ZNF827: variants seen among roughly 807,000 people sequenced by gnomAD.
ZNF827 encodes the protein zinc finger protein 827.
A neutral mutation model predicts 102.4 loss-of-function variants in ZNF827; 13 were observed. That is an observed-to-expected ratio of 0.13 (90% CI 0.08 to 0.20). The LOEUF (loss-of-function observed/expected upper bound fraction) is 0.20. ZNF827 is among the 10% of genes least tolerant of loss of function. The pLI, the probability that ZNF827 is intolerant of heterozygous loss-of-function variation, is 1.00. For synonymous variants in ZNF827, 523 were observed against 536.2 expected (o/e 0.98, Z 0.34); for missense variants, 1,103 against 1,344.4 (o/e 0.82, Z 2.81).
intron 7 of ZNF827, among the ~76,000 whole-genome samples, chr4:145,838,235 A>T (rs1413498051): frequency 1.3e-5 from 2 of 152,106 alleles, no homozygotes; most frequent in Admixed American, 1.3e-4. Context: ...AACTGATGAC[A>T]TTACCTTGTG....
intron 5 of ZNF827, among the ~76,000 whole-genome samples, chr4:145,855,271 C>G (rs181560062): frequency 2.6e-5 from 4 of 152,186 alleles, no homozygotes; most frequent in Non-Finnish European, 4.4e-5. Context: ...GCCAACTATG[C>G]CATGCTGACA....
At chr4:145,808,626 A>C (rs2126368293) in intron 8 of ZNF827, among the ~76,000 whole-genome samples, 1 of 152,336 alleles carries the variant, frequency 6.6e-6, no homozygotes, top group East Asian at 1.9e-4. Flanking sequence ...CAGAACATTC[A>C]AATAGTGTTC....
chr4:145,775,703 T>A, intron 10 of ZNF827, 86 bp downstream of exon 10: 2 of 1,506,838 alleles, frequency 1.3e-6, no homozygotes, highest in South Asian at 1.2e-5. Flanking sequence ...AGGGGCCTCG[T>A]GATGTATGCC....
chr4:145,900,787 A>AT (rs985225204), intron 2 of ZNF827, among the ~76,000 whole-genome samples: 4 of 151,894 alleles, frequency 2.6e-5, no homozygotes, highest in African/African-American at 9.7e-5. Flanking sequence ...GTCAGGAGTG[A>AT]TTTTTTCCAT....
chr4:145,774,614 G>C lies in ZNF827; in HGVS notation c.2752C>G (p.Leu918Val). 2.5e-6 allele frequency: 4 copies of C among 1,613,904 alleles called. No individual in the cohort carries two copies. Among genetic ancestry groups the C allele is most frequent in the Non-Finnish European group, 3.4e-6 (4 of 1,179,966 alleles). The change falls in exon 11 of 15, where the codon CTC (leucine) becomes GTC (valine). Residue 918 changes from leucine (L) to valine (V), a missense_variant. Leu to Val is a conservative substitution (Grantham distance 32, BLOSUM62 1). Coordinates refer to ENST00000508784, the MANE Select transcript of ZNF827 (RefSeq NM_001306215.2). The part of the protein sequence containing the change: ...LNVQFVSHMS[L>V]HVDKEQWMFS... ...ATCCACTGCTCCTTGTCCACGTGGA[G>C]TGACATGTGGCTGACAAACTGGACA...
At chr4:145,913,376 C>T (rs567245074) in intron 1 of ZNF827, among the ~76,000 whole-genome samples, 16 of 137,538 alleles carry the variant, frequency 1.2e-4, no homozygotes, top group African/African-American at 4.3e-4. Flanking sequence ...CAGTGAGTCA[C>T]GACTGCACCA....
chr4:145,906,690 T>TAC (rs1296198135), intron 1 of ZNF827, among the ~76,000 whole-genome samples: 2 of 152,248 alleles, frequency 1.3e-5, no homozygotes, highest in African/African-American at 4.8e-5. Flanking sequence ...AGCTAATGTC[T>TAC]ACATTTAAAG....
At chr4:145,827,587 C>T (rs1023026594) in intron 7 of ZNF827, among the ~76,000 whole-genome samples, 6 of 152,164 alleles carry the variant, frequency 3.9e-5, no homozygotes, top group Admixed American at 3.9e-4. Context: ...GTAAAGAGGT[C>T]GTTAGCTGTT....
intron 8 of ZNF827, among the ~76,000 whole-genome samples, chr4:145,806,353 G>A (rs1460822540): frequency 6.6e-6 from 1 of 151,356 alleles, no homozygotes; most frequent in Admixed American, 6.6e-5. Context: ...ATGGGGTTTC[G>A]CCATGTTGCC....
chr4:145,840,533 A>C (rs1395101429), intron 7 of ZNF827, among the ~76,000 whole-genome samples: 1 of 152,258 alleles, frequency 6.6e-6, no homozygotes, highest in Admixed American at 6.5e-5. Flanking sequence ...CATTGCATTT[A>C]ATTTTAAAGT....
intron 8 of ZNF827, among the ~76,000 whole-genome samples, chr4:145,794,492 G>T (rs1740167219): frequency 6.6e-6 from 1 of 152,092 alleles, no homozygotes; most frequent in Non-Finnish European, 1.5e-5. Flanking sequence ...TTGGATACCA[G>T]CCTGGGCAAC....
rs894492337 is a variant in ZNF827, at chr4:145,759,858, T to G, written c.*1758A>C. ...AATTTTTTCACCCATACATTTCTTTTTCCTGCAAACAAATGGTAACCACTG... is the reference window on the plus strand; with the variant it reads ...AATTTTTTCACCCATACATTTCTTTGTCCTGCAAACAAATGGTAACCACTG... On this transcript the variant is annotated 3_prime_UTR_variant, in exon 15 of 15. Transcript: ENST00000508784. 6 of 152,194 alleles carry G rather than the reference T, an allele frequency of 3.9e-5. No individual in the cohort carries two copies. The highest frequency in any genetic ancestry group is 8.8e-5 in the Non-Finnish European group (6 of 68,028). The allele number at this position is 152,194 out of a possible 1,614,324, so 9.4% of individuals were successfully genotyped here. A position where few individuals can be genotyped will look rare whatever the true frequency, so the allele number is the denominator to read the frequency against.
intron 8 of ZNF827, among the ~76,000 whole-genome samples, chr4:145,815,249 G>C (rs1742477316): frequency 6.6e-6 from 1 of 152,232 alleles, no homozygotes; most frequent in African/African-American, 2.4e-5. Flanking sequence ...TCTGGGGATG[G>C]TGTGGTGAAC....
chr4:145,897,897 G>A (rs921682465), intron 2 of ZNF827, among the ~76,000 whole-genome samples: 20 of 152,298 alleles, frequency 1.3e-4, no homozygotes, highest in Admixed American at 1.1e-3. Context: ...CTTCATGCCT[G>A]TAATCCCAGC....
chr4:145,903,081 T>A lies in ZNF827; in HGVS notation c.178A>T (p.Ile60Phe). The A allele has an allele frequency of 1.2e-6, 2 of 1,614,188 alleles. No homozygotes were observed. The highest frequency in any genetic ancestry group is 1.7e-6 in the Non-Finnish European group (2 of 1,180,032). ...ENYKLSLEDR[I>F]QEQSTSPDTS... ...TCCGGGGACGTGGACTGCTCCTGGA[T>A]CCGGTCCTCCAGAGACAACTTATAG... Residue 60 changes from isoleucine to phenylalanine, a missense_variant, in exon 2 of 15, where the codon ATC becomes TTC. Transcript: ENST00000508784.
rs990426443 is a variant in ZNF827, at chr4:145,765,416, G to T, written c.3052+131C>A. On this transcript the variant is annotated intron_variant, in intron 12 of 14. Coordinates refer to ENST00000508784, the MANE Select transcript of ZNF827 (RefSeq NM_001306215.2). This position sits in a 1 kb window ranked among gnomAD's most constrained non-coding sequence, Gnocchi z 4.7. ...AAGCCAAAAGAAATACAACCTTTAG[G>T]TGAGGCCCAGCATACTGCATCCTGG... The T allele has an allele frequency of 8.6e-7, 1 of 1,161,946 alleles. No homozygotes were observed. The highest frequency in any genetic ancestry group is 1.2e-6 in the Non-Finnish European group (1 of 839,016). 72.0% of individuals were successfully genotyped at this position (1,161,946 alleles called of 1,614,324 possible). A position where few individuals can be genotyped will look rare whatever the true frequency, so the allele number is the denominator to read the frequency against.
chr4:145,763,761 C>G lies in ZNF827; in HGVS notation c.3231-639G>C, dbSNP rs1367464115. ...TTATAAAGGGACAGTGGGAACAAACCAAATCAAATCCCCAAATAAGCTCTT... is the reference window on the plus strand; with the variant it reads ...TTATAAAGGGACAGTGGGAACAAACGAAATCAAATCCCCAAATAAGCTCTT... On this transcript the variant is annotated intron_variant, in intron 13 of 14. Transcript: ENST00000508784. The surrounding 1 kb of genome is among the most constrained non-coding windows in gnomAD (Gnocchi z 4.6). 6.6e-6 allele frequency among the ~76,000 whole-genome samples: 1 copy of G among 152,156 alleles called. No individual in the cohort carries two copies. The highest frequency in any genetic ancestry group is 1.5e-5 in the Non-Finnish European group (1 of 68,024).
chr4:145,822,408 TG>T (rs1206110312), intron 8 of ZNF827, among the ~76,000 whole-genome samples: 1 of 151,422 alleles, frequency 6.6e-6, no homozygotes. Flanking sequence ...ATATTTCAGA[TG>T]TCACTGCATT....
In ZNF827 at chr4:145,938,339, G is replaced by C. The variant is rs754308640; in HGVS notation, c.43+26C>G. The stretch of plus-strand genomic sequence containing the variant: ...GAGGGAGGGCGAGAAAATGGCACGA[G>C]AGGAGGTGGAGAAGGGATGACTTAC... On this transcript the variant is annotated intron_variant, in intron 1 of 14. Coordinates refer to ENST00000508784, the MANE Select transcript of ZNF827 (RefSeq NM_001306215.2). 3.1e-6 allele frequency: 5 copies of C among 1,613,688 alleles called. No homozygotes were observed. In the African/African-American group the frequency reaches 4.0e-5, roughly 13 times the overall value.
Sources: allele counts gnomAD v4.1 joint callset (sites outside exome capture counted in the v4.1 genomes callset), GRCh38; gene constraint gnomAD v4.1.1; non-coding constraint Gnocchi (gnomAD v3.1); transcripts MANE v1.5; gene names NCBI Gene and HGNC (gene_info 2026-07-23, HGNC 2026-07-21).